The following GDAP1L1 variants were observed in gnomAD, a reference collection of about 807,000 sequenced individuals.
The protein encoded by GDAP1L1 is ganglioside-induced differentiation-associated protein 1-like 1.
A neutral mutation model predicts 37.1 loss-of-function variants in GDAP1L1; 21 were observed. The ratio of observed to expected loss-of-function variants is 0.57; its 90% confidence interval spans 0.40 to 0.81. The LOEUF (loss-of-function observed/expected upper bound fraction) is 0.81, where lower values mean the gene tolerates loss of function less well. GDAP1L1 is among the 40% of genes least tolerant of loss of function. The pLI is 0.00. For missense variants in GDAP1L1, 362 were observed against 491.6 expected (o/e 0.74, Z 2.49); for synonymous variants, 193 against 209.1 (o/e 0.92, Z 0.67).
chr20:44,275,366 C>T (rs1037225480), intron 5 of GDAP1L1, among the ~76,000 whole-genome samples: 2 of 152,112 alleles, frequency 1.3e-5, no homozygotes, highest in African/African-American at 4.8e-5. Flanking sequence ...TGAATGAATC[C>T]GTGACCAAGA....
Position 44,257,257 on chromosome 20 carries a change from C to T in GDAP1L1, c.285C>T (p.Gly95=), listed in dbSNP as rs755597097. The T allele has an allele frequency of 2.8e-5, 45 of 1,613,618 alleles. No homozygotes were observed. Among genetic ancestry groups the T allele is most frequent in the Non-Finnish European group, 3.4e-5 (40 of 1,179,892 alleles). The stretch of plus-strand genomic sequence containing the variant: ...CCTGGTTCATGCGGCTCAACCTGGG[C>T]GAGGAGGTGCCCGTCATCATCCACC... ...KEPWFMRLNL[G]EEVPVIIHRD... The change falls in exon 2 of 6, where the codon GGC becomes GGT. Residue 95 remains glycine (G), a synonymous_variant. Coordinates refer to ENST00000342560, the MANE Select transcript of GDAP1L1 (RefSeq NM_024034.6).
chr20:44,260,195 A>T (rs2073646477), intron 3 of GDAP1L1, among the ~76,000 whole-genome samples: 1 of 152,242 alleles, frequency 6.6e-6, no homozygotes, highest in Admixed American at 6.5e-5. Context: ...GTACTTCCAT[A>T]CAACGGAATA....
chr20:44,252,951 C>T (rs2073474272), intron 1 of GDAP1L1, among the ~76,000 whole-genome samples: 2 of 152,190 alleles, frequency 1.3e-5, no homozygotes, highest in South Asian at 2.1e-4. Context: ...ATGCTTAGAG[C>T]CTTAGCACTG....
At chr20:44,258,400 G>A in intron 2 of GDAP1L1, 34 bp from the exon 3 acceptor site, 1 of 1,542,432 alleles carries the variant, frequency 6.5e-7, no homozygotes, top group South Asian at 1.2e-5. Context: ...GTGCCCCTCT[G>A]GCTTCCCTGC....
intron 2 of GDAP1L1, 135 bp downstream of exon 2, chr20:44,257,480 C>T: frequency 1.1e-6 from 1 of 908,000 alleles, no homozygotes; most frequent in Non-Finnish European, 1.6e-6. Flanking sequence ...CCAGTCTCCC[C>T]AAAAAGGAGC....
chr20:44,253,564 G>C (rs902087605), intron 1 of GDAP1L1, among the ~76,000 whole-genome samples: 1 of 152,188 alleles, frequency 6.6e-6, no homozygotes, highest in Non-Finnish European at 1.5e-5. Context: ...ATGACAATGC[G>C]GCACTGTGGG....
chr20:44,264,174 T>G (rs1300792082), intron 4 of GDAP1L1, among the ~76,000 whole-genome samples: 2 of 152,144 alleles, frequency 1.3e-5, no homozygotes, highest in Non-Finnish European at 2.9e-5. Context: ...CCTTATTGGC[T>G]GAGAGAAGGG....
chr20:44,272,745 C>A (rs753317383), intron 5 of GDAP1L1, among the ~76,000 whole-genome samples: 1 of 152,192 alleles, frequency 6.6e-6, no homozygotes, highest in Non-Finnish European at 1.5e-5. Flanking sequence ...TCAGCATTTG[C>A]CTACAAACAT....
At chr20:44,247,589 C>A in intron 1 of GDAP1L1, 75 bp downstream of exon 1, 2 of 1,345,014 alleles carry the variant, frequency 1.5e-6, no homozygotes, top group Non-Finnish European at 2.0e-6. Context: ...CTTGAGGGAT[C>A]TGAGGGCGGC....
intron 5 of GDAP1L1, among the ~76,000 whole-genome samples, chr20:44,266,528 C>A (rs916456727): frequency 3.3e-5 from 5 of 151,978 alleles, no homozygotes; most frequent in Non-Finnish European, 7.4e-5. Flanking sequence ...TTAGGACTTC[C>A]ATAACAAAAT....
chr20:44,267,407 C>G (rs375850342), intron 5 of GDAP1L1, among the ~76,000 whole-genome samples: 2 of 151,938 alleles, frequency 1.3e-5, no homozygotes, highest in African/African-American at 4.8e-5. Context: ...GTCAGGAGTT[C>G]GAGACCAGCC....
intron 1 of GDAP1L1, among the ~76,000 whole-genome samples, chr20:44,249,704 A>G (rs962926103): frequency 6.6e-6 from 1 of 152,134 alleles, no homozygotes; most frequent in Non-Finnish European, 1.5e-5. Context: ...CCCACTTTTG[A>G]CCAAGTCTCT....
intron 5 of GDAP1L1, among the ~76,000 whole-genome samples, chr20:44,271,040 T>A (rs139020842): frequency 1.4e-4 from 21 of 152,224 alleles, no homozygotes; most frequent in African/African-American, 4.8e-4. Context: ...GGCAGGAGAA[T>A]CACTTGAGCC....
chr20:44,247,687 C>T (rs1279507332), intron 1 of GDAP1L1, among the ~76,000 whole-genome samples, 173 bp downstream of exon 1: 4 of 151,584 alleles, frequency 2.6e-5, no homozygotes, highest in Non-Finnish European at 5.9e-5. Context: ...ACCTGGGAAG[C>T]GACAGGCCCT....
At chr20:44,268,578 C>T (rs553477126) in intron 5 of GDAP1L1, among the ~76,000 whole-genome samples, 5 of 152,124 alleles carry the variant, frequency 3.3e-5, no homozygotes, top group East Asian at 1.9e-4. Context: ...TTGCACACAG[C>T]GATAAGTGTT....
chr20:44,252,237 C>A (rs1222820394), intron 1 of GDAP1L1, among the ~76,000 whole-genome samples: 2 of 152,222 alleles, frequency 1.3e-5, no homozygotes, highest in Non-Finnish European at 2.9e-5. Flanking sequence ...CCCGGCCAGG[C>A]GTGGTGGCTC....
At chr20:44,267,616 GAA>G (rs36056669) in intron 5 of GDAP1L1, among the ~76,000 whole-genome samples, 3 of 105,080 alleles carry the variant, frequency 2.9e-5, no homozygotes, top group Non-Finnish European at 4.1e-5. Flanking sequence ...GTCTCAAAGA[GAA>G]AAAAAAAAAA....
chr20:44,258,513 A>C lies in GDAP1L1; in HGVS notation c.453A>C (p.Ala151=), dbSNP rs2073608666. 5.7e-6 allele frequency: 9 copies of C among 1,570,470 alleles called. No individual in the cohort carries two copies. Among genetic ancestry groups the C allele is most frequent in the Non-Finnish European group, 6.0e-6 (7 of 1,158,502 alleles). The change falls in exon 3 of 6, where the codon GCA becomes GCC. Residue 151 remains alanine (A), a synonymous_variant. Coordinates refer to ENST00000342560, the MANE Select transcript of GDAP1L1 (RefSeq NM_024034.6). ...RVLQYRELLD[A]LPMDAYTHGC... is the part of the protein sequence containing the mutation. ...TGCAGTACCGGGAGCTGCTGGACGC[A>C]CTGCCCATGGATGCCTACACGCATG... is the stretch of plus-strand genomic sequence containing the variant.
At chr20:44,258,673 G>C (rs1176489799) in intron 3 of GDAP1L1, 66 bp downstream of exon 3, 2 of 1,217,168 alleles carry the variant, frequency 1.6e-6, no homozygotes. Context: ...TTCTTCCAAA[G>C]GATGTCCTCC....
Sources: gnomAD v4.1 joint callset for allele counts (sites outside exome capture counted in the v4.1 genomes callset) on GRCh38, gnomAD v4.1.1 for gene constraint, MANE v1.5 for transcripts, NCBI Gene and HGNC (gene_info 2026-07-23, HGNC 2026-07-21) for gene names.